Variants in COL6A1 observed in about 807,000 individuals in gnomAD.
COL6A1 encodes the protein collagen alpha-1(VI) chain.
Under a neutral mutation model 145.6 loss-of-function variants are expected in COL6A1, and 80 were observed. The observed-to-expected ratio is 0.55, with a 90% CI of 0.46 to 0.66. The LOEUF is 0.66. Ranked by LOEUF, COL6A1 falls within the 30% of genes least tolerant of loss-of-function variation. The pLI is 0.00. For missense variants in COL6A1, 1,364 were observed against 1,473.8 expected (o/e 0.93, Z 1.22); for synonymous variants, 638 against 622.8 (o/e 1.02, Z -0.36).
At chr21:45,996,813 G>T (rs2077807340) in intron 20 of COL6A1, among the ~76,000 whole-genome samples, 2 of 152,160 alleles carry the variant, frequency 1.3e-5, no homozygotes, top group South Asian at 4.1e-4. Flanking sequence ...TCTGGAAATA[G>T]ACCCCCACAG....
chr21:45,997,822 G>T (rs888375797), intron 22 of COL6A1, 60 bp downstream of exon 22: 176 of 1,525,374 alleles, frequency 1.2e-4, no homozygotes, highest in Non-Finnish European at 1.5e-4. Context: ...GCCCTGGGAA[G>T]CCCCAGCCCC....
chr21:45,997,523 G>GA (rs761118768), intron 21 of COL6A1, 40 bp downstream of exon 21: 6 of 1,602,036 alleles, frequency 3.7e-6, no homozygotes, highest in Admixed American at 1.7e-5. Flanking sequence ...CACCCAGGGG[G>GA]GCCTGAGGAT....
At position 46,003,617 on chromosome 21, in the gene COL6A1, C is replaced by A. The variant is rs1302779770; in HGVS notation, c.2691C>A (p.Tyr897Ter). ...CGTCGCTGCAGTTCCTGCAGAACTA[C>A]ACGGCCCTGGCCAGTGCCGTCGATG... Reference protein sequence around the residue: ...ERASLQFLQNYTALASAVDAM... With the variant: ...ERASLQFLQN The change falls in exon 35 of 35, where the codon TAC becomes TAA. Residue 897 changes from tyrosine (Y) to a stop codon, truncating the protein, a stop_gained. Transcript: ENST00000361866. LOFTEE classifies it high-confidence loss of function. The A allele has an allele frequency of 6.2e-7, 1 of 1,612,952 alleles. No individual in the cohort carries two copies. The highest frequency in any genetic ancestry group is 8.5e-7 in the Non-Finnish European group (1 of 1,179,882).
In COL6A1 at chr21:46,001,298, C is replaced by T; in HGVS notation, c.1868C>T (p.Ser623Leu). The T allele has an allele frequency of 6.2e-7, 1 of 1,612,434 alleles. No homozygotes were observed. Among genetic ancestry groups the T allele is most frequent in the Non-Finnish European group, 8.5e-7 (1 of 1,179,902 alleles). ...GACCTCCTGTTCGTGCTGGACAGCTCAGAGAGCATTGGCCTGCAGAACTTC... is the reference window on the plus strand; with the variant it reads ...GACCTCCTGTTCGTGCTGGACAGCTTAGAGAGCATTGGCCTGCAGAACTTC... The part of the protein sequence containing the change: ...PIDLLFVLDS[S>L]ESIGLQNFEI... The change falls in exon 30 of 35, where the codon TCA becomes TTA. Residue 623 changes from serine (S) to leucine (L), a missense_variant. This residue lies in a region of COL6A1 where 938 missense variants were observed against 1,003.8 expected (regional missense o/e 0.93). Coordinates refer to ENST00000361866, the MANE Select transcript of COL6A1 (RefSeq NM_001848.3).
Position 45,992,837 on chromosome 21 carries a change from A to C in COL6A1, c.1335+27A>C, listed in dbSNP as rs2850173. On this transcript the variant is annotated intron_variant, in intron 19 of 34. Coordinates refer to ENST00000361866, the MANE Select transcript of COL6A1 (RefSeq NM_001848.3). ...TGAGTCACAGTTCCTGGAGCTGGGA[A>C]CCACCCCAGGAAGGGGCAGGCGGAG... is the stretch of plus-strand genomic sequence containing the variant. 1,353,761 of 1,571,902 alleles carry C rather than the reference A, an allele frequency of 0.86. 583,855 individuals are homozygous for C. The highest frequency in any genetic ancestry group is 0.92 in the African/African-American group (68,778 of 74,458).
chr21:45,999,584 G>A (rs1483306920), intron 26 of COL6A1, 73 bp from the exon 27 acceptor site: 6 of 1,529,980 alleles, frequency 3.9e-6, no homozygotes, highest in African/African-American at 1.4e-5. Context: ...CCCTGGGGGT[G>A]GGGGCTGTCT....
intron 3 of COL6A1, among the ~76,000 whole-genome samples, chr21:45,985,776 G>A (rs999283998): frequency 2.6e-5 from 4 of 152,230 alleles, no homozygotes; most frequent in African/African-American, 7.2e-5. Flanking sequence ...CCACATGGCC[G>A]GTGTGGGCCG....
intron 8 of COL6A1, 112 bp downstream of exon 8, chr21:45,987,766 G>GGGGGTCCAGATGGAGGGGAGGGC: frequency 9.4e-7 from 1 of 1,059,870 alleles, no homozygotes; most frequent in Non-Finnish European, 1.3e-6. Context: ...AGGGGACGGC[G>GGGGGTCCAGATGGAGGGGAGGGC]GGGGTCCAGA....
rs934308401 is a variant in COL6A1, at chr21:46,002,165, G to A, written c.2067-53G>A. On this transcript the variant is annotated intron_variant, in intron 31 of 34. Coordinates refer to ENST00000361866, the MANE Select transcript of COL6A1 (RefSeq NM_001848.3). ...CTGACCCCTGATCCCAGGTGGGCTCGGCCCCGCGGCAGGCCTGGCCCCAAC... is the reference window on the plus strand; with the variant it reads ...CTGACCCCTGATCCCAGGTGGGCTCAGCCCCGCGGCAGGCCTGGCCCCAAC... The A allele has an allele frequency of 4.5e-6, 7 of 1,570,684 alleles. No homozygotes were observed. The Admixed American group carries it at 7.5e-5, about 17-fold the overall frequency.
chr21:45,989,394 G>A (rs2077760757), intron 9 of COL6A1, among the ~76,000 whole-genome samples: 1 of 152,178 alleles, frequency 6.6e-6, no homozygotes, highest in Admixed American at 6.5e-5. Context: ...CACCGTCCGG[G>A]GCCCCTGCCG....
At chr21:45,989,286 C>T in intron 9 of COL6A1, 149 bp downstream of exon 9, 2 of 887,214 alleles carry the variant, frequency 2.3e-6, no homozygotes, top group Non-Finnish European at 3.4e-6. Context: ...GGAGGGGCCA[C>T]AGCCCAGCCA....
chr21:45,994,565 C>G lies in COL6A1; in HGVS notation c.1398+336C>G, dbSNP rs1003530776. On this transcript the variant is annotated intron_variant, in intron 20 of 34. Transcript: ENST00000361866. This position sits in a 1 kb window ranked among gnomAD's most constrained non-coding sequence, Gnocchi z 6.8. Reference sequence around the variant, plus strand: ...TGGAGCCCCTGGGAGACACTGGGAGCTTGGTCAGCATCTGTTTTTCTGGGT... The same window carrying G: ...TGGAGCCCCTGGGAGACACTGGGAGGTTGGTCAGCATCTGTTTTTCTGGGT... Among the ~76,000 whole-genome samples, 1 of 152,170 alleles carries G rather than the reference C, an allele frequency of 6.6e-6. No individual in the cohort carries two copies. The highest frequency in any genetic ancestry group is 1.5e-5 in the Non-Finnish European group (1 of 68,024).
intron 20 of COL6A1, among the ~76,000 whole-genome samples, chr21:45,995,546 C>T (rs1430424191): frequency 1.3e-5 from 2 of 152,256 alleles, no homozygotes; most frequent in Admixed American, 6.5e-5. Context: ...TAACCACACC[C>T]TGCCTGTTTT....
In COL6A1 at chr21:45,992,446, G is replaced by A. The variant is rs202136479; in HGVS notation, c.1272+48G>A. Reference sequence around the variant, plus strand: ...GCGCTGTTGGCCTCACCATGTAGCTGTGGACGTGGCCTCTGCGGCCCAGTC... The same window carrying A: ...GCGCTGTTGGCCTCACCATGTAGCTATGGACGTGGCCTCTGCGGCCCAGTC... On this transcript the variant is annotated intron_variant, in intron 18 of 34. Coordinates refer to ENST00000361866, the MANE Select transcript of COL6A1 (RefSeq NM_001848.3). The A allele has an allele frequency of 2.8e-5, 45 of 1,603,124 alleles. No homozygotes were observed. In the East Asian group the frequency reaches 1.0e-3, roughly 36 times the overall value.
Position 46,003,608 on chromosome 21 carries a change from G to A in COL6A1, c.2682G>A (p.Leu894=), listed in dbSNP as rs1166610252. 1 of 1,612,904 alleles carries A rather than the reference G, an allele frequency of 6.2e-7. No homozygotes were observed. The highest frequency in any genetic ancestry group is 1.7e-5 in the Admixed American group (1 of 60,030). ...CAGAGCGGGCGTCGCTGCAGTTCCT[G>A]CAGAACTACACGGCCCTGGCCAGTG... ...QRPERASLQF[L]QNYTALASAV... The change falls in exon 35 of 35, where the codon CTG becomes CTA. Residue 894 remains leucine, a synonymous_variant. Transcript: ENST00000361866.
chr21:45,991,219 C>A (rs1034622315), intron 15 of COL6A1, among the ~76,000 whole-genome samples, 178 bp downstream of exon 15: 2 of 152,210 alleles, frequency 1.3e-5, no homozygotes, highest in Admixed American at 1.3e-4. Context: ...CAGTGCCCAC[C>A]GTGGGGACAG....
At chr21:45,985,493 C>T (rs1664086004) in intron 3 of COL6A1, among the ~76,000 whole-genome samples, 1 of 152,190 alleles carries the variant, frequency 6.6e-6, no homozygotes, top group African/African-American at 2.4e-5. Flanking sequence ...CAACACCAAG[C>T]AGGGCTAGGA....
intron 8 of COL6A1, among the ~76,000 whole-genome samples, chr21:45,988,669 C>G (rs2077757184): frequency 6.6e-6 from 1 of 152,140 alleles, no homozygotes; most frequent in African/African-American, 2.4e-5. Context: ...ATAGGATGAC[C>G]TTAAACGTTA....
At chr21:45,999,945 G>GTGAGGATCATGGAGGGCA (rs2077831544) in intron 27 of COL6A1, among the ~76,000 whole-genome samples, 1 of 1,420 alleles carries the variant, frequency 7.0e-4, no homozygotes, top group Admixed American at 0.014. Context: ...TGGGGGGGAC[G>GTGAGGATCATGGAGGGCA]TGTGAGGATC....
Sources: allele counts gnomAD v4.1 joint callset (sites outside exome capture counted in the v4.1 genomes callset), GRCh38; gene constraint gnomAD v4.1.1; regional missense constraint gnomAD v4.1.1; non-coding constraint Gnocchi (gnomAD v3.1); transcripts MANE v1.5; gene names NCBI Gene and HGNC (gene_info 2026-07-23, HGNC 2026-07-21).